Variants in CPQ observed in about 807,000 individuals in gnomAD.
CPQ encodes carboxypeptidase Q, also known as Ser-Met dipeptidase.
A neutral mutation model predicts 45.7 loss-of-function variants in CPQ; 37 were observed. The observed-to-expected ratio is 0.81, with a 90% CI of 0.62 to 1.07. The LOEUF (loss-of-function observed/expected upper bound fraction) is 1.07. Ranked by LOEUF, CPQ falls within the 50% of genes least tolerant of loss-of-function variation. The pLI, the probability that CPQ is intolerant of heterozygous loss-of-function variation, is 0.00. For synonymous variants in CPQ, 186 were observed against 205.8 expected, an observed-to-expected ratio of 0.90 and a Z score of 0.82; for missense variants, 537 against 572.9, an observed-to-expected ratio of 0.94 and a Z score of 0.64.
intron 6 of CPQ, among the ~76,000 whole-genome samples, chr8:97,057,333 CT>C (rs1159664831): frequency 2.0e-5 from 3 of 152,164 alleles, no homozygotes; most frequent in African/African-American, 7.2e-5. Flanking sequence ...AAAAGTGTTT[CT>C]GCATCTTTTG....
chr8:96,703,713 T>C (rs145678333), intron 1 of CPQ, among the ~76,000 whole-genome samples: 12 of 152,276 alleles, frequency 7.9e-5, no homozygotes, highest in Admixed American at 7.8e-4. Flanking sequence ...ATCTGTTTTG[T>C]ATAAGAGTCC....
chr8:96,791,824 G>A (rs1012537521), intron 2 of CPQ, among the ~76,000 whole-genome samples: 1 of 152,092 alleles, frequency 6.6e-6, no homozygotes, highest in Non-Finnish European at 1.5e-5. Context: ...TGTGACCTTG[G>A]TTGCCATTTA....
At chr8:97,044,852 C>A (rs1487084161) in intron 6 of CPQ, among the ~76,000 whole-genome samples, 3 of 152,184 alleles carry the variant, frequency 2.0e-5, no homozygotes, top group African/African-American at 7.2e-5. Flanking sequence ...GAATTTTTGT[C>A]TCAGAGGAGT....
At chr8:96,839,201 A>T (rs1398976583) in intron 3 of CPQ, among the ~76,000 whole-genome samples, 1 of 152,042 alleles carries the variant, frequency 6.6e-6, no homozygotes, top group Non-Finnish European at 1.5e-5. Context: ...TTGTGGTGTA[A>T]TCATCAATAT....
chr8:96,728,398 G>C (rs183262301), intron 1 of CPQ, among the ~76,000 whole-genome samples: 47 of 151,462 alleles, frequency 3.1e-4, no homozygotes, highest in Middle Eastern at 6.8e-3. Context: ...AGGTGGCCCT[G>C]ACTTCACTGG....
At chr8:96,682,843 A>T (rs915280895) in intron 1 of CPQ, among the ~76,000 whole-genome samples, 4 of 152,204 alleles carry the variant, frequency 2.6e-5, no homozygotes, top group African/African-American at 9.7e-5. Context: ...CTTACAGATG[A>T]GATGAGTTTC....
intron 1 of CPQ, among the ~76,000 whole-genome samples, chr8:96,693,530 T>C (rs570095563): frequency 6.6e-6 from 1 of 152,148 alleles, no homozygotes; most frequent in African/African-American, 2.4e-5. Context: ...CAGTGAAAAC[T>C]TTACAGGCCA....
intron 1 of CPQ, among the ~76,000 whole-genome samples, chr8:96,749,643 G>A (rs1810233383): frequency 6.6e-6 from 1 of 152,098 alleles, no homozygotes; most frequent in Admixed American, 6.6e-5. Flanking sequence ...GTTCAGGTCT[G>A]GTAAAGAATT....
In CPQ at chr8:96,664,688, G is replaced by A. The variant is rs367825445; in HGVS notation, c.-35+19286G>A. On this transcript the variant is annotated intron_variant, in intron 1 of 7. Transcript: ENST00000220763. Reference sequence around the variant, plus strand: ...GGAGGTGAGGAGTAAGGGTAAAGGCGTCCTAAGGTGCTAATGAAAATGCTG... The same window carrying A: ...GGAGGTGAGGAGTAAGGGTAAAGGCATCCTAAGGTGCTAATGAAAATGCTG... 4.2e-4 allele frequency among the ~76,000 whole-genome samples: 64 copies of A among 152,296 alleles called. 1 individual carries two copies. The highest frequency in any genetic ancestry group is 1.8e-3 in the Admixed American group (28 of 15,292).
intron 4 of CPQ, among the ~76,000 whole-genome samples, chr8:96,965,616 G>A (rs1007496525): frequency 3.9e-5 from 6 of 151,928 alleles, no homozygotes; most frequent in African/African-American, 1.2e-4. Flanking sequence ...TGATCCACCC[G>A]CCTCGGCCTC....
At chr8:97,122,297 T>C (rs1286703445) in intron 7 of CPQ, among the ~76,000 whole-genome samples, 1 of 151,976 alleles carries the variant, frequency 6.6e-6, no homozygotes, top group African/African-American at 2.4e-5. Flanking sequence ...TGAAACACAT[T>C]ATATAAAAAA....
intron 5 of CPQ, among the ~76,000 whole-genome samples, chr8:96,991,094 G>GA (rs1186773980): frequency 6.6e-6 from 1 of 152,158 alleles, no homozygotes; most frequent in African/African-American, 2.4e-5. Flanking sequence ...GGTTCTTAGA[G>GA]ACAGGCATCC....
chr8:97,041,530 G>C (rs1810125411), intron 6 of CPQ, among the ~76,000 whole-genome samples: 2 of 152,176 alleles, frequency 1.3e-5, no homozygotes, highest in South Asian at 4.1e-4. Flanking sequence ...TGCTGAATAG[G>C]AGTGGTGAGA....
chr8:96,936,813 G>T (rs1055937091), intron 4 of CPQ, among the ~76,000 whole-genome samples: 1 of 152,132 alleles, frequency 6.6e-6, no homozygotes, highest in African/African-American at 2.4e-5. Flanking sequence ...TGGAGAGAAG[G>T]TTCTCAGTAA....
intron 6 of CPQ, among the ~76,000 whole-genome samples, chr8:97,047,877 T>C (rs551382547): frequency 6.6e-6 from 1 of 152,350 alleles, no homozygotes; most frequent in South Asian, 2.1e-4. Flanking sequence ...CATTTCTCAC[T>C]GCCTTCATCT....
intron 1 of CPQ, among the ~76,000 whole-genome samples, chr8:96,723,100 A>G (rs749732498): frequency 6.6e-5 from 10 of 152,214 alleles, no homozygotes; most frequent in Non-Finnish European, 1.0e-4. Flanking sequence ...TGAACATGCA[A>G]TCCTTCCAAG....
chr8:96,943,677 G>A (rs1813151570), intron 4 of CPQ, among the ~76,000 whole-genome samples: 1 of 152,128 alleles, frequency 6.6e-6, no homozygotes, highest in South Asian at 2.1e-4. Flanking sequence ...ATTTTCAAAA[G>A]AGTAGAAAAA....
At chr8:96,930,073 C>T (rs1227948227) in intron 4 of CPQ, among the ~76,000 whole-genome samples, 1 of 152,112 alleles carries the variant, frequency 6.6e-6, no homozygotes, top group Non-Finnish European at 1.5e-5. Context: ...GAGACATATT[C>T]AGAAACTATA....
intron 1 of CPQ, among the ~76,000 whole-genome samples, chr8:96,677,969 C>T (rs996035433): frequency 2.0e-5 from 3 of 151,936 alleles, no homozygotes; most frequent in Non-Finnish European, 4.4e-5. Flanking sequence ...TGTTGCGGAT[C>T]AGCACTTACT....
Sources: allele counts gnomAD v4.1 joint callset (sites outside exome capture counted in the v4.1 genomes callset), GRCh38; gene constraint gnomAD v4.1.1; transcripts MANE v1.5; gene names NCBI Gene and HGNC (gene_info 2026-07-23, HGNC 2026-07-21).